The following PDZD2 variants were observed in gnomAD, a reference collection of about 807,000 sequenced individuals.
PDZD2 encodes PDZ domain containing 2.
PDZD2 carries 90 observed loss-of-function variants against 220.7 expected under a neutral mutation model. The observed-to-expected ratio is 0.41, with a 90% CI of 0.34 to 0.49. PDZD2 has a LOEUF of 0.49. Among genes scored for constraint, PDZD2 ranks in the 20% least tolerant of loss-of-function variants. The probability of loss-of-function intolerance (pLI) is 0.28; values close to 1 mark genes in which losing one functional copy is unlikely to be tolerated. For missense variants in PDZD2, 3,174 were observed against 3,608.5 expected, an observed-to-expected ratio of 0.88 and a Z score of 3.08; for synonymous variants, 1,375 against 1,450.5, an observed-to-expected ratio of 0.95 and a Z score of 1.18.
chr5:31,749,407 A>G (rs1750799106), intron 1 of PDZD2, among the ~76,000 whole-genome samples: 1 of 149,182 alleles, frequency 6.7e-6, no homozygotes, highest in South Asian at 2.1e-4. Context: ...TCAAGAGTGC[A>G]GAAGGTCACT....
chr5:32,063,961 C>T (rs55650115), intron 14 of PDZD2, among the ~76,000 whole-genome samples: 18,813 of 152,178 alleles, frequency 0.12, 1,445 homozygotes, highest in Middle Eastern at 0.23. Flanking sequence ...CCAACCTTGA[C>T]CTGAGCAGAG....
At chr5:31,884,231 G>GCATACATACATACATACATACATA (rs368220223) in intron 2 of PDZD2, among the ~76,000 whole-genome samples, 65 of 150,686 alleles carry the variant, frequency 4.3e-4, no homozygotes, top group African/African-American at 9.1e-4. Flanking sequence ...CTGCATGCAT[G>GCATACATACATACATACATACATA]CATACATACA....
At chr5:31,680,866 G>A (rs1445138877) in intron 1 of PDZD2, among the ~76,000 whole-genome samples, 2 of 152,130 alleles carry the variant, frequency 1.3e-5, no homozygotes, top group East Asian at 3.9e-4. Flanking sequence ...CTGCAGCTCT[G>A]AGAGATGCCT....
intron 1 of PDZD2, among the ~76,000 whole-genome samples, chr5:31,760,166 C>G (rs1056012975): frequency 6.6e-6 from 1 of 152,064 alleles, no homozygotes; most frequent in Non-Finnish European, 1.5e-5. Context: ...GTTGATGGCT[C>G]TTATGTTGAA....
At position 32,077,511 on chromosome 5, in the gene PDZD2, G is replaced by A. The variant is rs781295676; in HGVS notation, c.3587G>A (p.Cys1196Tyr). The part of the protein sequence containing the change: ...TTGDACVSTS[C>Y]ELASALSHLD... ...GGAGATGCTTGTGTCTCTACCAGCT[G>A]TGAACTAGCCAGTGCTCTGTCCCAT... The change falls in exon 19 of 25, where the codon TGT becomes TAT. Residue 1196 changes from cysteine (C) to tyrosine (Y), a missense_variant. This residue lies in a region of PDZD2 where 1,861 missense variants were observed against 2,001.0 expected (regional missense o/e 0.93). Coordinates refer to ENST00000438447, the MANE Select transcript of PDZD2 (RefSeq NM_178140.4). 2.0e-5 allele frequency: 33 copies of A among 1,613,916 alleles called. No homozygotes were observed. The highest frequency in any genetic ancestry group is 6.7e-5 in the Admixed American group (4 of 60,002).
At chr5:32,028,304 T>C (rs953439276) in intron 6 of PDZD2, among the ~76,000 whole-genome samples, 4 of 152,164 alleles carry the variant, frequency 2.6e-5, no homozygotes, top group Non-Finnish European at 5.9e-5. Flanking sequence ...AGGATATTTC[T>C]AAGGATATTT....
intron 2 of PDZD2, among the ~76,000 whole-genome samples, chr5:31,906,073 G>A (rs1742612936): frequency 6.9e-6 from 1 of 144,376 alleles, no homozygotes; most frequent in Admixed American, 7.1e-5. Context: ...CCAGGCTGGA[G>A]TGCAGTGGCA....
At chr5:31,760,169 A>T (rs1246288356) in intron 1 of PDZD2, among the ~76,000 whole-genome samples, 2 of 150,956 alleles carry the variant, frequency 1.3e-5, no homozygotes, top group African/African-American at 5.0e-5. Context: ...GATGGCTCTT[A>T]TGTTGAACTC....
At chr5:31,854,017 T>A (rs2150302002) in intron 2 of PDZD2, among the ~76,000 whole-genome samples, 1 of 152,286 alleles carries the variant, frequency 6.6e-6, no homozygotes, top group Admixed American at 6.5e-5. Context: ...TTGGCACCAG[T>A]GACGCTTTTA....
chr5:31,852,567 T>C (rs1043827412), intron 2 of PDZD2, among the ~76,000 whole-genome samples: 1 of 151,978 alleles, frequency 6.6e-6, no homozygotes, highest in Middle Eastern at 3.4e-3. Context: ...ATTACAGGCA[T>C]GAGCCACCAC....
chr5:32,006,965 G>C (rs1212830284), intron 5 of PDZD2, among the ~76,000 whole-genome samples: 5 of 134,298 alleles, frequency 3.7e-5, no homozygotes, highest in African/African-American at 1.4e-4. Flanking sequence ...TCCCAGGCTG[G>C]AGTGCAGTGG....
At chr5:31,684,862 A>T (rs1487555418) in intron 1 of PDZD2, among the ~76,000 whole-genome samples, 3 of 152,108 alleles carry the variant, frequency 2.0e-5, no homozygotes, top group Non-Finnish European at 4.4e-5. Flanking sequence ...GTCTCAACTC[A>T]TGTCACCCCC....
intron 1 of PDZD2, among the ~76,000 whole-genome samples, chr5:31,649,535 G>C (rs1745264293): frequency 1.3e-5 from 2 of 151,864 alleles, no homozygotes; most frequent in South Asian, 4.2e-4. Context: ...CTTAGCTGTT[G>C]GATCATACGC....
At chr5:31,730,578 GT>G (rs1580641506) in intron 1 of PDZD2, among the ~76,000 whole-genome samples, 4 of 114,766 alleles carry the variant, frequency 3.5e-5, no homozygotes, top group Admixed American at 1.8e-4. Flanking sequence ...GTGTGTGTGT[GT>G]GTGTGTGTGT....
chr5:31,855,737 G>C (rs1159826620), intron 2 of PDZD2, among the ~76,000 whole-genome samples: 2 of 152,238 alleles, frequency 1.3e-5, no homozygotes, highest in Non-Finnish European at 2.9e-5. Flanking sequence ...TAAACAGCCT[G>C]CTTGGACAAC....
At chr5:31,794,934 G>A (rs577088444) in intron 1 of PDZD2, among the ~76,000 whole-genome samples, 3 of 152,176 alleles carry the variant, frequency 2.0e-5, no homozygotes, top group East Asian at 3.9e-4. Context: ...ATGACAGCCC[G>A]GTGTGAATCT....
At chr5:32,002,714 C>CA (rs1752274582) in intron 5 of PDZD2, among the ~76,000 whole-genome samples, 1 of 134,438 alleles carries the variant, frequency 7.4e-6, no homozygotes, top group Non-Finnish European at 1.6e-5. Context: ...AACACACACA[C>CA]CCCACACACC....
rs1286113759 is a variant in PDZD2, at chr5:31,768,829, T to C, written c.-360-30060T>C. On this transcript the variant is annotated intron_variant, in intron 1 of 24. Transcript: ENST00000438447. ...GGTGGAGGGGTAAGGGGATCACATG[T>C]AGGAATAGGGACAGGCAGAGGCTGA... 2.6e-5 allele frequency among the ~76,000 whole-genome samples: 4 copies of C among 151,988 alleles called. No individual in the cohort carries two copies. The East Asian group carries it at 5.8e-4, about 22-fold the overall frequency.
chr5:32,056,551 C>A (rs1183638232), intron 10 of PDZD2, among the ~76,000 whole-genome samples: 1 of 152,168 alleles, frequency 6.6e-6, no homozygotes, highest in African/African-American at 2.4e-5. Context: ...GAAACGAGCT[C>A]TGATAAGTCA....
Sources: gnomAD v4.1 joint callset for allele counts (sites outside exome capture counted in the v4.1 genomes callset) on GRCh38, gnomAD v4.1.1 for gene constraint, gnomAD v4.1.1 regional missense constraint, MANE v1.5 for transcripts, NCBI Gene and HGNC (gene_info 2026-07-23, HGNC 2026-07-21) for gene names.